The following CXCR3 variants were observed in gnomAD, a reference collection of about 807,000 sequenced individuals.
CXCR3 encodes C-X-C motif chemokine receptor 3, also known as C-X-C chemokine receptor type 3.
For missense variants in CXCR3, 239 were observed against 310.2 expected (o/e 0.77, Z 1.72); for synonymous variants, 136 against 148.0 (o/e 0.92, Z 0.59).
At position 71,616,551 on chromosome X, in the gene CXCR3, G is replaced by C. The variant is rs949992376; in HGVS notation, c.921C>G (p.Gly307=). 3 of 1,209,510 alleles carry C rather than the reference G, an allele frequency of 2.5e-6. No homozygotes were observed. Among genetic ancestry groups the C allele is most frequent in the African/African-American group, 1.7e-5 (1 of 57,259 alleles). ...DVAKSVTSGL[G]YMHCCLNPLL... ...GCGGGTTGAGGCAGCAGTGCATGTAGCCCAGGCCTGAGGTGACCGACTTGG... is the reference window on the plus strand; with the variant it reads ...GCGGGTTGAGGCAGCAGTGCATGTACCCCAGGCCTGAGGTGACCGACTTGG... Residue 307 remains glycine (G), a synonymous_variant, in exon 2 of 2, where the codon GGC becomes GGG. Coordinates refer to ENST00000373693, the MANE Select transcript of CXCR3 (RefSeq NM_001504.2).
chrX:71,616,883 G>C lies in CXCR3; in HGVS notation c.589C>G (p.Arg197Gly). ...FIFLSAHHDE[R>G]LNATHCQYNF... ...TATTGGCAGTGGGTGGCGTTGAGGCGCTCGTCGTGGTGGGCCGACAGGAAG... is the reference window on the plus strand; with the variant it reads ...TATTGGCAGTGGGTGGCGTTGAGGCCCTCGTCGTGGTGGGCCGACAGGAAG... The change falls in exon 2 of 2, where the codon CGC (arginine) becomes GGC (glycine). Residue 197 changes from arginine (R) to glycine (G), a missense_variant. Physicochemically the swap from Arg to Gly is moderately radical, Grantham distance 125 (BLOSUM62 -2). Coordinates refer to ENST00000373693, the MANE Select transcript of CXCR3 (RefSeq NM_001504.2). The C allele has an allele frequency of 8.3e-7, 1 of 1,207,619 alleles. No individual in the cohort carries two copies. Among genetic ancestry groups the C allele is most frequent in the Non-Finnish European group, 1.1e-6 (1 of 892,846 alleles).
rs748075077 is a variant in CXCR3, at chrX:71,617,376, G to A, written c.96C>T (p.Asn32=). The A allele has an allele frequency of 2.3e-5, 28 of 1,209,787 alleles. No individual in the cohort carries two copies. The highest frequency in any genetic ancestry group is 3.5e-5 in the African/African-American group (2 of 57,131). ...GGGAGGTACAGCACGAGTCACTCTC[G>A]TTTTCTCCATAGTCATAGGAAGAGC... ...NFSSSYDYGE[N]ESDSCCTSPP... is the part of the protein sequence containing the mutation. Residue 32 remains asparagine (N), a synonymous_variant, in exon 2 of 2, where the codon AAC becomes AAT. Transcript: ENST00000373693.
chrX:71,617,037 G>A lies in CXCR3; in HGVS notation c.435C>T (p.Ile145=). The A allele has an allele frequency of 8.3e-7, 1 of 1,207,526 alleles. No homozygotes were observed. Among genetic ancestry groups the A allele is most frequent in the East Asian group, 3.0e-5 (1 of 33,737 alleles). ...FYAGALLLAC[I]SFDRYLNIVH... ...CTATGTTCAGGTAGCGGTCAAAGCT[G>A]ATGCAGGCCAGCAGGAGGGCTCCTG... Residue 145 remains isoleucine, a synonymous_variant, in exon 2 of 2, where the codon ATC becomes ATT. Coordinates refer to ENST00000373693, the MANE Select transcript of CXCR3 (RefSeq NM_001504.2).
chrX:71,617,794 C>T (rs2040865022), intron 1 of CXCR3: 23 of 790,472 alleles, frequency 2.9e-5, no homozygotes, highest in Middle Eastern at 4.7e-4. Flanking sequence ...GCTTGCCTTG[C>T]GTCCTCAGTG....
At position 71,616,585 on chromosome X, in the gene CXCR3, A is replaced by T; in HGVS notation, c.887T>A (p.Val296Glu). Residue 296 changes from valine to glutamate, a missense_variant, in exon 2 of 2, where the codon GTA becomes GAA. Val to Glu is a moderately radical substitution (Grantham distance 121). Transcript: ENST00000373693. ...TGAGGTGACCGACTTGGCCACGTCT[A>T]CCCTGCTTTCTCGGCCACAGTTGCG... ...LARNCGRESR[V>E]DVAKSVTSGL... 1 of 1,211,555 alleles carries T rather than the reference A, an allele frequency of 8.3e-7. No individual in the cohort carries two copies. The highest frequency in any genetic ancestry group is 1.8e-5 in the South Asian group (1 of 56,945).
chrX:71,617,821 T>G, intron 1 of CXCR3: 1 of 533,399 alleles, frequency 1.9e-6, no homozygotes, highest in Admixed American at 5.0e-5. Flanking sequence ...CCCCAACACA[T>G]AGTTCAACCA....
Position 71,617,299 on chromosome X carries a change from G to C in CXCR3, c.173C>G (p.Ala58Gly), listed in dbSNP as rs759886460. 8.3e-7 allele frequency: 1 copy of C among 1,204,496 alleles called. No homozygotes were observed. Among genetic ancestry groups the C allele is most frequent in the Non-Finnish European group, 1.1e-6 (1 of 892,243 alleles). ...CAGCAGAAAGAGGAGGCTGTAGAGG[G>C]CTGGCAGGAAGGCCCGGTCGAAGTT... ...SLNFDRAFLP[A>G]LYSLLFLLGL... The change falls in exon 2 of 2, where the codon GCC (alanine) becomes GGC (glycine). Residue 58 changes from alanine (A) to glycine (G), a missense_variant. By Grantham distance (60) the Ala-to-Gly change is moderately conservative. Transcript: ENST00000373693.
In CXCR3 at chrX:71,617,045, C is replaced by T. The variant is rs2040855394; in HGVS notation, c.427G>A (p.Ala143Thr). ...INFYAGALLL[A>T]CISFDRYLNI... is the part of the protein sequence containing the mutation. ...AGGTAGCGGTCAAAGCTGATGCAGGCCAGCAGGAGGGCTCCTGCGTAGAAG... is the reference window on the plus strand; with the variant it reads ...AGGTAGCGGTCAAAGCTGATGCAGGTCAGCAGGAGGGCTCCTGCGTAGAAG... Residue 143 changes from alanine to threonine, a missense_variant, in exon 2 of 2, where the codon GCC becomes ACC. Transcript: ENST00000373693. The T allele has an allele frequency of 8.3e-7, 1 of 1,205,451 alleles. No individual in the cohort carries two copies. The highest frequency in any genetic ancestry group is 1.1e-6 in the Non-Finnish European group (1 of 891,716).
At chrX:71,617,772 C>A in intron 1 of CXCR3, 3 of 980,139 alleles carry the variant, frequency 3.1e-6, no homozygotes, top group Admixed American at 4.2e-5. Context: ...TCTCTCCCTG[C>A]TCTCCCTTCA....
At position 71,616,361 on chromosome X, in the gene CXCR3, G is replaced by A. The variant is rs1287152411; in HGVS notation, c.*4C>T. On this transcript the variant is annotated 3_prime_UTR_variant, in exon 2 of 2. Coordinates refer to ENST00000373693, the MANE Select transcript of CXCR3 (RefSeq NM_001504.2). Reference sequence around the variant, plus strand: ...TGGGCGAAAGGGGAGCCCGGATTCCGGCCTCACAAGCCCGAGTAGGAGGCC... The same window carrying A: ...TGGGCGAAAGGGGAGCCCGGATTCCAGCCTCACAAGCCCGAGTAGGAGGCC... 20 of 1,172,516 alleles carry A rather than the reference G, an allele frequency of 1.7e-5. No homozygotes were observed. In the Middle Eastern group the frequency reaches 7.1e-4, roughly 42 times the overall value.
At chrX:71,617,873 A>C (rs2040865795) in intron 1 of CXCR3, among the ~76,000 whole-genome samples, 1 of 96,688 alleles carries the variant, frequency 1.0e-5, no homozygotes, top group Non-Finnish European at 2.1e-5. Context: ...TTTTCCAGTC[A>C]CTAACCCTCC....
In CXCR3 at chrX:71,618,476, G is replaced by T; in HGVS notation, c.-27C>A. On this transcript the variant is annotated 5_prime_UTR_variant, in exon 1 of 2. Transcript: ENST00000373693. The stretch of plus-strand genomic sequence containing the variant: ...GCTGGGCTGGTGCTCTGGCTGCTGG[G>T]TGGTGTGCTGCCTGCCCCTCTGCTT... 9.3e-7 allele frequency: 1 copy of T among 1,075,875 alleles called. No homozygotes were observed. The highest frequency in any genetic ancestry group is 1.3e-6 in the Non-Finnish European group (1 of 771,621). The allele number at this position is 1,075,875 out of a possible 1,213,427, so 88.7% of individuals were successfully genotyped here. A position where few individuals can be genotyped will look rare whatever the true frequency, so the allele number is the denominator to read the frequency against.
Position 71,617,427 on chromosome X carries a change from C to T in CXCR3, c.45G>A (p.Glu15=), listed in dbSNP as rs2040860741. 1 of 1,209,828 alleles carries T rather than the reference C, an allele frequency of 8.3e-7. No individual in the cohort carries two copies. The highest frequency in any genetic ancestry group is 2.2e-5 in the Admixed American group (1 of 45,797). The part of the protein sequence containing the change: ...VSDHQVLNDA[E]VAALLENFSS... Reference sequence around the variant, plus strand: ...TGAAGTTCTCCAGGAGGGCGGCAACCTCGGCGTCATTTAGCACTTGGTGGT... The same window carrying T: ...TGAAGTTCTCCAGGAGGGCGGCAACTTCGGCGTCATTTAGCACTTGGTGGT... Residue 15 remains glutamate (E), a synonymous_variant, in exon 2 of 2, where the codon GAG becomes GAA. Coordinates refer to ENST00000373693, the MANE Select transcript of CXCR3 (RefSeq NM_001504.2).
Position 71,617,369 on chromosome X carries a change from C to A in CXCR3, c.103G>T (p.Asp35Tyr). 5 of 1,211,674 alleles carry A rather than the reference C, an allele frequency of 4.1e-6. No individual in the cohort carries two copies. Among genetic ancestry groups the A allele is most frequent in the Non-Finnish European group, 5.6e-6 (5 of 895,470 alleles). ...SSYDYGENES[D>Y]SCCTSPPCPQ... ...CAGGGCGGGGAGGTACAGCACGAGT[C>A]ACTCTCGTTTTCTCCATAGTCATAG... The change falls in exon 2 of 2, where the codon GAC becomes TAC. Residue 35 changes from aspartate to tyrosine, a missense_variant. By Grantham distance (160) the Asp-to-Tyr change is radical. Coordinates refer to ENST00000373693, the MANE Select transcript of CXCR3 (RefSeq NM_001504.2).
intron 1 of CXCR3, 195 bp from the exon 2 acceptor site, chrX:71,617,654 AG>A: frequency 9.1e-7 from 1 of 1,104,829 alleles, no homozygotes; most frequent in Non-Finnish European, 1.2e-6. Context: ...CCCTTCTCAA[AG>A]GCTGCTTCTC....
At position 71,616,610 on chromosome X, in the gene CXCR3, G is replaced by A; in HGVS notation, c.862C>T (p.Arg288Cys). ...ACCCTGCTTTCTCGGCCACAGTTGC[G>A]GGCCAAAGCGCCCAGGTCCATGAGG... ...DILMDLGALARNCGRESRVDV... is the reference protein window; with the variant it reads ...DILMDLGALACNCGRESRVDV... The change falls in exon 2 of 2, where the codon CGC becomes TGC. Residue 288 changes from arginine to cysteine, a missense_variant. Transcript: ENST00000373693. The A allele has an allele frequency of 1.7e-6, 2 of 1,211,923 alleles. No individual in the cohort carries two copies. The highest frequency in any genetic ancestry group is 1.8e-5 in the South Asian group (1 of 57,005).
In CXCR3 at chrX:71,616,457, G is replaced by A. The variant is rs771134673; in HGVS notation, c.1015C>T (p.Pro339Ser). ...TGCCTCTGGAGCCCTCTCTGGTTGG[G>A]GCAGCCCAGGCGCAAGAGCAGCATC... ...MWMLLLRLGCPNQRGLQRQPS... is the reference protein window; with the variant it reads ...MWMLLLRLGCSNQRGLQRQPS... Residue 339 changes from proline (P) to serine (S), a missense_variant, in exon 2 of 2, where the codon CCC becomes TCC. Physicochemically the swap from Pro to Ser is moderately conservative, Grantham distance 74. Transcript: ENST00000373693. 3 of 1,211,358 alleles carry A rather than the reference G, an allele frequency of 2.5e-6. No individual in the cohort carries two copies. Among genetic ancestry groups the A allele is most frequent in the Non-Finnish European group, 3.4e-6 (3 of 895,270 alleles).
In CXCR3 at chrX:71,616,560, T is replaced by G. The variant is rs1409933381; in HGVS notation, c.912A>C (p.Ser304=). 6 of 1,209,711 alleles carry G rather than the reference T, an allele frequency of 5.0e-6. No individual in the cohort carries two copies. The highest frequency in any genetic ancestry group is 6.7e-6 in the Non-Finnish European group (6 of 894,946). The part of the protein sequence containing the change: ...SRVDVAKSVT[S]GLGYMHCCLN... ...GGCAGCAGTGCATGTAGCCCAGGCC[T>G]GAGGTGACCGACTTGGCCACGTCTA... Residue 304 remains serine, a synonymous_variant, in exon 2 of 2, where the codon TCA becomes TCC. Coordinates refer to ENST00000373693, the MANE Select transcript of CXCR3 (RefSeq NM_001504.2).
chrX:71,616,385 C>T lies in CXCR3; in HGVS notation c.1087G>A (p.Ala363Thr), dbSNP rs766348940. ...RDSSWSETSE[A>T]SYSGL ...CGGCCTCACAAGCCCGAGTAGGAGG[C>T]CTCTGAGGTCTCAGACCAGGATGAA... The change falls in exon 2 of 2, where the codon GCC becomes ACC. Residue 363 changes from alanine (A) to threonine (T), a missense_variant. By Grantham distance (58) the Ala-to-Thr change is moderately conservative (BLOSUM62 0). Transcript: ENST00000373693. 11 of 1,198,230 alleles carry T rather than the reference C, an allele frequency of 9.2e-6. No individual in the cohort carries two copies. The East Asian group carries it at 3.3e-4, about 36-fold the overall frequency.
Sources: gnomAD v4.1 joint callset for allele counts (sites outside exome capture counted in the v4.1 genomes callset) on GRCh38, gnomAD v4.1.1 for gene constraint, MANE v1.5 for transcripts, NCBI Gene and HGNC (gene_info 2026-07-23, HGNC 2026-07-21) for gene names.